The following SLC4A10 variants were observed in gnomAD, a reference collection of about 807,000 sequenced individuals.
SLC4A10 encodes solute carrier family 4 member 10.
In SLC4A10, 42 loss-of-function variants were observed where a neutral mutation model predicts 137.7. That is an observed-to-expected ratio of 0.30 (90% confidence interval 0.24 to 0.39). The LOEUF is 0.39. Among genes scored for constraint, SLC4A10 ranks in the 10% least tolerant of loss-of-function variants. The pLI, the probability that SLC4A10 is intolerant of heterozygous loss-of-function variation, is 1.00. For missense variants in SLC4A10, 925 were observed against 1,355.0 expected (o/e 0.68, Z 4.98); for synonymous variants, 474 against 464.1 (o/e 1.02, Z -0.27).
At chr2:161,844,781 G>T (rs1221743451) in intron 4 of SLC4A10, among the ~76,000 whole-genome samples, 1 of 151,946 alleles carries the variant, frequency 6.6e-6, no homozygotes, top group Non-Finnish European at 1.5e-5. Flanking sequence ...AATCCTCAAA[G>T]AATTCATGAA....
chr2:161,863,156 A>G (rs2060530326), intron 6 of SLC4A10, 94 bp downstream of exon 6: 1 of 1,187,972 alleles, frequency 8.4e-7, no homozygotes, highest in Non-Finnish European at 1.1e-6. Flanking sequence ...TTATTTGAAA[A>G]TGATTTTTTG....
intron 23 of SLC4A10, among the ~76,000 whole-genome samples, chr2:161,971,531 TA>T (rs1698534122): frequency 6.6e-6 from 1 of 152,206 alleles, no homozygotes; most frequent in South Asian, 2.1e-4. Context: ...CATTTTAAGG[TA>T]TTTTTCTGAC....
intron 1 of SLC4A10, among the ~76,000 whole-genome samples, chr2:161,635,653 G>C (rs2034285117): frequency 6.6e-6 from 1 of 152,084 alleles, no homozygotes. Flanking sequence ...TTAATTGAAA[G>C]TTCTGCACTT....
intron 15 of SLC4A10, among the ~76,000 whole-genome samples, chr2:161,933,287 C>T (rs1690923679): frequency 8.1e-6 from 1 of 123,052 alleles, no homozygotes. Flanking sequence ...CTTTTTCTTT[C>T]TCTTTCTTTG....
intron 1 of SLC4A10, among the ~76,000 whole-genome samples, chr2:161,739,120 G>A (rs1002457624): frequency 1.3e-5 from 2 of 152,022 alleles, no homozygotes; most frequent in East Asian, 1.9e-4. Flanking sequence ...GGTGGGTGGG[G>A]GGAACATGAT....
At chr2:161,940,644 T>C (rs995672716) in intron 15 of SLC4A10, among the ~76,000 whole-genome samples, 2 of 152,144 alleles carry the variant, frequency 1.3e-5, no homozygotes, top group African/African-American at 4.8e-5. Context: ...AAGTTCAAGA[T>C]AAAGGTATTC....
intron 1 of SLC4A10, among the ~76,000 whole-genome samples, chr2:161,735,304 AT>A (rs2047228937): frequency 6.6e-6 from 1 of 151,564 alleles, no homozygotes; most frequent in African/African-American, 2.4e-5. Context: ...ATATTAAAAA[AT>A]TCTTTTTCAT....
At chr2:161,624,591 A>T in intron 1 of SLC4A10, 25 bp downstream of exon 1, 1 of 1,551,756 alleles carries the variant, frequency 6.4e-7, no homozygotes, top group African/African-American at 1.4e-5. Flanking sequence ...GCTATCACAT[A>T]GATTAACCGC....
Position 161,690,328 on chromosome 2 carries a change from C to T in SLC4A10, c.48+65762C>T, listed in dbSNP as rs560929219. On this transcript the variant is annotated intron_variant, in intron 1 of 26. Transcript: ENST00000446997. ...TGACAAGGCTGTGGAGAAATAGGAA[C>T]GCTTTTACACTTTTGGTGGAATGTA... Among the ~76,000 whole-genome samples the T allele has an allele frequency of 1.8e-4, 28 of 152,222 alleles. 1 individual carries two copies. The highest frequency in any genetic ancestry group is 6.8e-3 in the Middle Eastern group (2 of 294).
intron 1 of SLC4A10, among the ~76,000 whole-genome samples, chr2:161,633,773 A>G (rs903183159): frequency 2.0e-5 from 3 of 151,804 alleles, no homozygotes; most frequent in Non-Finnish European, 4.4e-5. Flanking sequence ...GAAGTATGTC[A>G]ATGATATAAA....
In SLC4A10 at chr2:161,942,875, T is replaced by C. The variant is rs900050569; in HGVS notation, c.2081T>C (p.Ile694Thr). Residue 694 changes from isoleucine (I) to threonine (T), a missense_variant, in exon 16 of 27, where the codon ATT becomes ACT. By Grantham distance (89) the Ile-to-Thr change is moderately conservative. Transcript: ENST00000446997. ...TCCAATATTTCTGCCTCTGACATAA[T>C]TTGGGAGAACCTAACTGTGTCAGTA... is the stretch of plus-strand genomic sequence containing the variant. ...RESNISASDI[I>T]WENLTVSECK... The C allele has an allele frequency of 1.3e-6, 2 of 1,598,158 alleles. No homozygotes were observed. Among genetic ancestry groups the C allele is most frequent in the African/African-American group, 1.3e-5 (1 of 74,806 alleles).
At chr2:161,835,414 T>G (rs1175674917) in intron 3 of SLC4A10, among the ~76,000 whole-genome samples, 1 of 152,180 alleles carries the variant, frequency 6.6e-6, no homozygotes, top group African/African-American at 2.4e-5. Flanking sequence ...ACCACAGGGA[T>G]GGTCATAAGA....
intron 2 of SLC4A10, among the ~76,000 whole-genome samples, chr2:161,777,040 AT>A (rs1044151274): frequency 1.1e-4 from 16 of 151,652 alleles, no homozygotes; most frequent in Admixed American, 5.9e-4. Flanking sequence ...TCCTTTGTCT[AT>A]TTTTTTAATA....
chr2:161,787,977 T>C (rs527964778), intron 2 of SLC4A10, among the ~76,000 whole-genome samples: 1 of 152,166 alleles, frequency 6.6e-6, no homozygotes, highest in Non-Finnish European at 1.5e-5. Context: ...ACACTCTGTC[T>C]TTTTGTACCA....
intron 1 of SLC4A10, among the ~76,000 whole-genome samples, chr2:161,662,621 T>C (rs1333414876): frequency 2.6e-5 from 4 of 152,204 alleles, no homozygotes; most frequent in Non-Finnish European, 4.4e-5. Context: ...AGAATGTCTG[T>C]ATATTTAAAA....
intron 15 of SLC4A10, among the ~76,000 whole-genome samples, chr2:161,924,128 A>G (rs571050966): frequency 6.6e-6 from 1 of 152,270 alleles, no homozygotes; most frequent in East Asian, 1.9e-4. Context: ...CTATCTCCTC[A>G]CAGTGCTATT....
intron 1 of SLC4A10, among the ~76,000 whole-genome samples, chr2:161,703,315 C>T (rs2043313979): frequency 6.6e-6 from 1 of 151,306 alleles, no homozygotes; most frequent in Non-Finnish European, 1.5e-5. Context: ...TATGGTACCT[C>T]TATTTGATAG....
chr2:161,699,210 C>T (rs10171562), intron 1 of SLC4A10, among the ~76,000 whole-genome samples: 139,458 of 152,076 alleles, frequency 0.92, 64,024 homozygotes, highest in East Asian at 1. Context: ...TTAGTAGAGA[C>T]GGGGTTTCAC....
intron 1 of SLC4A10, among the ~76,000 whole-genome samples, chr2:161,648,234 G>A (rs2036325956): frequency 6.6e-6 from 1 of 151,790 alleles, no homozygotes; most frequent in Admixed American, 6.6e-5. Context: ...TGAAATGGCA[G>A]CATTCTCTTA....
Sources: gnomAD v4.1 joint callset for allele counts (sites outside exome capture counted in the v4.1 genomes callset) on GRCh38, gnomAD v4.1.1 for gene constraint, MANE v1.5 for transcripts, NCBI Gene and HGNC (gene_info 2026-07-23, HGNC 2026-07-21) for gene names.